USP24: variants seen among roughly 807,000 people sequenced by gnomAD.
USP24 encodes ubiquitin carboxyl-terminal hydrolase 24.
USP24 carries 97 observed loss-of-function variants against 361.6 expected under a neutral mutation model. The ratio of observed to expected loss-of-function variants is 0.27; its 90% CI spans 0.23 to 0.32. The LOEUF is 0.32. Ranked by LOEUF, USP24 falls within the 10% of genes least tolerant of loss-of-function variation. The pLI is 1.00. For synonymous variants in USP24, 1,098 were observed against 1,124.6 expected (o/e 0.98, Z 0.47); for missense variants, 2,353 against 3,165.6 (o/e 0.74, Z 6.16).
At chr1:55,195,595 A>T (rs1346372533) in intron 1 of USP24, among the ~76,000 whole-genome samples, 2 of 152,212 alleles carry the variant, frequency 1.3e-5, no homozygotes, top group Non-Finnish European at 2.9e-5. Context: ...GAAAGTACAT[A>T]AGGAGGCCCA....
intron 55 of USP24, among the ~76,000 whole-genome samples, chr1:55,087,080 A>C (rs1313519204): frequency 6.6e-6 from 1 of 152,244 alleles, no homozygotes; most frequent in Non-Finnish European, 1.5e-5. Context: ...TCTAAAAGAC[A>C]ATATCTCTTC....
chr1:55,069,535 T>A (rs895924596), intron 67 of USP24, among the ~76,000 whole-genome samples: 1 of 152,146 alleles, frequency 6.6e-6, no homozygotes, highest in African/African-American at 2.4e-5. Context: ...GCCTTTGGCT[T>A]ACACACTTGG....
intron 1 of USP24, among the ~76,000 whole-genome samples, chr1:55,210,300 T>C (rs1641311096): frequency 6.6e-6 from 1 of 152,232 alleles, no homozygotes; most frequent in African/African-American, 2.4e-5. Context: ...TGATTCATCT[T>C]TAATTCCCTA....
chr1:55,108,083 ATCT>A lies in USP24; in HGVS notation c.4571-656_4571-654del, dbSNP rs554969966. The stretch of plus-strand genomic sequence containing the variant: ...GTTAGCAGAAGTCTCAGGAAACAAA[ATCT>A]TCTAGAGAAAGAAGGGGTAGAAGGG... On this transcript the variant is annotated intron_variant, in intron 39 of 67. Transcript: ENST00000294383. Among the ~76,000 whole-genome samples, 575 of 152,148 alleles carry A rather than the reference ATCT, an allele frequency of 3.8e-3. 5 individuals carry two copies. The highest frequency in any genetic ancestry group is 0.013 in the African/African-American group (538 of 41,510).
chr1:55,195,988 T>C (rs1002907654), intron 1 of USP24, among the ~76,000 whole-genome samples: 3 of 152,194 alleles, frequency 2.0e-5, no homozygotes, highest in African/African-American at 7.2e-5. Flanking sequence ...CCCAGCCTCA[T>C]CATAGTGAAA....
intron 3 of USP24, among the ~76,000 whole-genome samples, chr1:55,175,092 A>T (rs1649824009): frequency 6.6e-6 from 1 of 151,972 alleles, no homozygotes; most frequent in African/African-American, 2.4e-5. Context: ...TTAAAAAATG[A>T]AGCTACTTTT....
intron 59 of USP24, 29 bp downstream of exon 59, chr1:55,081,293 C>G (rs1645143701): frequency 5.6e-6 from 9 of 1,599,144 alleles, no homozygotes; most frequent in Non-Finnish European, 7.7e-6. Flanking sequence ...AATTCAGTAT[C>G]TCTTCATTCT....
intron 55 of USP24, among the ~76,000 whole-genome samples, chr1:55,086,923 AG>A (rs1186198448): frequency 6.6e-6 from 1 of 152,200 alleles, no homozygotes; most frequent in African/African-American, 2.4e-5. Flanking sequence ...CCACAATAAA[AG>A]GCTCTTTAAA....
At chr1:55,196,897 C>T (rs1486631852) in intron 1 of USP24, among the ~76,000 whole-genome samples, 1 of 152,192 alleles carries the variant, frequency 6.6e-6, no homozygotes, top group Non-Finnish European at 1.5e-5. Flanking sequence ...CCTGCTGCTA[C>T]CCGGTGTTTT....
At chr1:55,172,632 A>G in intron 3 of USP24, 112 bp from the exon 4 acceptor site, 1 of 1,182,780 alleles carries the variant, frequency 8.5e-7, no homozygotes, top group Non-Finnish European at 1.1e-6. Context: ...ATACTTTTTT[A>G]TGTAGATGAT....
intron 1 of USP24, among the ~76,000 whole-genome samples, chr1:55,181,352 G>T (rs953339642): frequency 6.6e-6 from 1 of 152,156 alleles, no homozygotes; most frequent in African/African-American, 2.4e-5. Context: ...GAAGGAGGGG[G>T]TGATGAACTA....
At chr1:55,082,455 C>T (rs188835848) in intron 58 of USP24, among the ~76,000 whole-genome samples, 14 of 152,216 alleles carry the variant, frequency 9.2e-5, no homozygotes, top group African/African-American at 1.2e-4. Context: ...AAAAGAAATA[C>T]GATGGATGGG....
intron 39 of USP24, among the ~76,000 whole-genome samples, chr1:55,107,841 C>CAAA (rs777328294): frequency 0.056 from 2,129 of 38,002 alleles, 489 homozygotes; most frequent in East Asian, 0.25. Flanking sequence ...GACTCTGTCT[C>CAAA]AAAAAAAAAA....
intron 1 of USP24, among the ~76,000 whole-genome samples, chr1:55,209,568 T>C (rs1644800469): frequency 6.6e-6 from 1 of 152,204 alleles, no homozygotes; most frequent in South Asian, 2.1e-4. Flanking sequence ...TGTGTTTAGA[T>C]TGCCATAAAA....
At chr1:55,101,053 C>T (rs1645621885) in intron 43 of USP24, 89 bp from the exon 44 acceptor site, 1 of 1,432,062 alleles carries the variant, frequency 7.0e-7, no homozygotes. Flanking sequence ...ACCCACATTG[C>T]TTTTTTAGAA....
At chr1:55,164,660 AT>A (rs1482287155) in intron 7 of USP24, among the ~76,000 whole-genome samples, 4 of 152,062 alleles carry the variant, frequency 2.6e-5, no homozygotes, top group Non-Finnish European at 4.4e-5. Flanking sequence ...GTTCTGAAAA[AT>A]GGTCTGACCT....
Position 55,125,529 on chromosome 1 carries a change from T to C in USP24, c.3751A>G (p.Thr1251Ala). 1 of 1,613,526 alleles carries C rather than the reference T, an allele frequency of 6.2e-7. No homozygotes were observed. Among genetic ancestry groups the C allele is most frequent in the Non-Finnish European group, 8.5e-7 (1 of 1,179,556 alleles). ...QLARFLLVGQ[T>A]MPTLLDEDLT... ...TCTTCATCTAATAACGTGGGCATTG[T>C]TTGTCCGACAAGTAAAAATCTTAAA... Residue 1251 changes from threonine to alanine, a missense_variant, in exon 34 of 68, where the codon ACA becomes GCA. Physicochemically the swap from Thr to Ala is moderately conservative, Grantham distance 58 (BLOSUM62 0). Transcript: ENST00000294383.
At chr1:55,180,610 C>T (rs1643938060) in intron 1 of USP24, among the ~76,000 whole-genome samples, 1 of 152,180 alleles carries the variant, frequency 6.6e-6, no homozygotes, top group Non-Finnish European at 1.5e-5. Flanking sequence ...TTGCTTTACG[C>T]CACTATTCCT....
rs375323396 is a variant in USP24, at chr1:55,099,840, A to G, written c.5301T>C (p.Tyr1767=). 4 of 1,556,116 alleles carry G rather than the reference A, an allele frequency of 2.6e-6. No homozygotes were observed. The highest frequency in any genetic ancestry group is 2.6e-6 in the Non-Finnish European group (3 of 1,149,176). ...KIFKMWNKEL[Y]VREQQDAYEF... ...CATATGCATCCTGCTGTTCTCTCACATAAAGTTCTTTATTCCACATCTTGA... is the reference window on the plus strand; with the variant it reads ...CATATGCATCCTGCTGTTCTCTCACGTAAAGTTCTTTATTCCACATCTTGA... Residue 1767 remains tyrosine, a synonymous_variant, in exon 45 of 68, where the codon TAT becomes TAC. Transcript: ENST00000294383.
Sources: allele counts gnomAD v4.1 joint callset (sites outside exome capture counted in the v4.1 genomes callset), GRCh38; gene constraint gnomAD v4.1.1; transcripts MANE v1.5; gene names NCBI Gene and HGNC (gene_info 2026-07-23, HGNC 2026-07-21).